THSD4: variants seen among roughly 807,000 people sequenced by gnomAD.
THSD4 encodes the protein thrombospondin type 1 domain containing 4, also known as thrombospondin type-1 domain-containing protein 4.
A neutral mutation model predicts 119.0 loss-of-function variants in THSD4; 69 were observed. The observed-to-expected ratio is 0.58, with a 90% CI of 0.48 to 0.71. THSD4 has a LOEUF of 0.71. THSD4 is among the 30% of genes least tolerant of loss of function. The pLI is 0.00. For synonymous variants in THSD4, 524 were observed against 540.4 expected, an observed-to-expected ratio of 0.97 and a Z score of 0.42; for missense variants, 1,393 against 1,391.1, an observed-to-expected ratio of 1.00 and a Z score of -0.02.
chr15:71,465,898 T>G (rs2047492490), intron 7 of THSD4, among the ~76,000 whole-genome samples: 1 of 152,176 alleles, frequency 6.6e-6, no homozygotes, highest in Admixed American at 6.5e-5. Flanking sequence ...TCCTGAAGTT[T>G]CCTGTGGCAG....
chr15:71,737,980 A>G lies in THSD4; in HGVS notation c.1879A>G (p.Thr627Ala), dbSNP rs2053153915. 5.0e-6 allele frequency: 8 copies of G among 1,613,750 alleles called. No individual in the cohort carries two copies. The highest frequency in any genetic ancestry group is 6.8e-6 in the Non-Finnish European group (8 of 1,179,812). The change falls in exon 11 of 18, where the codon ACA becomes GCA. Residue 627 changes from threonine to alanine, a missense_variant. Transcript: ENST00000261862. ...RDHNWKQLGT[T>A]ECSTTCGKGS... ...TCACAACTGGAAGCAGCTTGGGACA[A>G]CAGAATGTTCCACGACCTGTGGGAA...
rs543675356 is a variant in THSD4 at position 71,645,180 on chromosome 15, G to A, written c.1153-15350G>A. Reference sequence around the variant, plus strand: ...AACCCAGAGGAAAGATGGTCTTGGGGTGTATTAGCCTGTTTTCATGCTGCT... The same window carrying A: ...AACCCAGAGGAAAGATGGTCTTGGGATGTATTAGCCTGTTTTCATGCTGCT... On this transcript the variant is annotated intron_variant, in intron 7 of 17. Transcript: ENST00000261862. Among the ~76,000 whole-genome samples the A allele has an allele frequency of 8.5e-5, 13 of 152,216 alleles. No homozygotes were observed. The South Asian group carries it at 1.7e-3, about 19-fold the overall frequency.
At chr15:71,193,267 C>T (rs1211815119) in intron 3 of THSD4, among the ~76,000 whole-genome samples, 1 of 152,208 alleles carries the variant, frequency 6.6e-6, no homozygotes, top group Non-Finnish European at 1.5e-5. Flanking sequence ...TTGCTTCTCA[C>T]TGACTGGCAC....
intron 6 of THSD4, among the ~76,000 whole-genome samples, chr15:71,263,071 C>T (rs577301669): frequency 6.6e-6 from 1 of 151,674 alleles, no homozygotes; most frequent in Non-Finnish European, 1.5e-5. Context: ...CCCAGTTATT[C>T]AGCTTAGTAA....
chr15:71,304,899 A>C (rs1294070173), intron 6 of THSD4, among the ~76,000 whole-genome samples: 1 of 152,242 alleles, frequency 6.6e-6, no homozygotes, highest in East Asian at 1.9e-4. Flanking sequence ...AAATATGCTT[A>C]CTAAATGGAT....
At chr15:71,525,651 C>T (rs538551202) in intron 7 of THSD4, among the ~76,000 whole-genome samples, 1 of 152,252 alleles carries the variant, frequency 6.6e-6, no homozygotes, top group South Asian at 2.1e-4. Context: ...TTGTTATGGT[C>T]CATGGACAGA....
chr15:71,663,569 C>T (rs144534865), intron 8 of THSD4, among the ~76,000 whole-genome samples: 99 of 152,286 alleles, frequency 6.5e-4, no homozygotes, highest in African/African-American at 2.2e-3. Flanking sequence ...ACGTTGGTTA[C>T]GGCCCTTTTC....
chr15:71,440,243 A>G (rs978011499), intron 7 of THSD4, among the ~76,000 whole-genome samples: 43 of 152,166 alleles, frequency 2.8e-4, no homozygotes, highest in African/African-American at 1.0e-3. Flanking sequence ...CATTTCCTCA[A>G]AACTGCTTAA....
intron 7 of THSD4, among the ~76,000 whole-genome samples, chr15:71,426,441 A>G (rs1423859302): frequency 6.6e-6 from 1 of 151,524 alleles, no homozygotes; most frequent in East Asian, 1.9e-4. Flanking sequence ...TCCTTTATAT[A>G]TACACTATTG....
At chr15:71,521,820 C>T (rs1334272217) in intron 7 of THSD4, among the ~76,000 whole-genome samples, 1 of 152,122 alleles carries the variant, frequency 6.6e-6, no homozygotes, top group Non-Finnish European at 1.5e-5. Context: ...TTTACAAATG[C>T]ATATTGAGTG....
intron 6 of THSD4, among the ~76,000 whole-genome samples, chr15:71,397,813 A>T (rs937207367): frequency 3.3e-5 from 5 of 152,338 alleles, no homozygotes; most frequent in African/African-American, 1.2e-4. Context: ...GTAAAATGGG[A>T]TAGTAATAGT....
At chr15:71,563,573 A>G (rs1023351444) in intron 7 of THSD4, among the ~76,000 whole-genome samples, 1 of 152,058 alleles carries the variant, frequency 6.6e-6, no homozygotes, top group African/African-American at 2.4e-5. Context: ...ACACTTAATC[A>G]TTTTACCTTT....
intron 14 of THSD4, among the ~76,000 whole-genome samples, chr15:71,753,716 C>G (rs983036256): frequency 6.6e-6 from 1 of 152,228 alleles, no homozygotes; most frequent in African/African-American, 2.4e-5. Context: ...AGTCCCCACT[C>G]CCTGGTAGGG....
At chr15:71,258,287 T>G (rs2044344286) in intron 6 of THSD4, among the ~76,000 whole-genome samples, 1 of 152,190 alleles carries the variant, frequency 6.6e-6, no homozygotes, top group South Asian at 2.1e-4. Context: ...CAAGCGATTC[T>G]CCTGCCTTAG....
intron 7 of THSD4, among the ~76,000 whole-genome samples, chr15:71,647,794 C>G (rs1406612511): frequency 6.6e-6 from 1 of 152,122 alleles, no homozygotes; most frequent in Non-Finnish European, 1.5e-5. Context: ...GGGGGTAAAT[C>G]AGCACAATAT....
chr15:71,782,254 G>C lies in THSD4; in HGVS notation c.*4880G>C, dbSNP rs533592515. ...TCATTTCAGCAGATAATGATGGAGGGGGGGGGTGTCCATCGTGCTGAGGGT... is the reference window on the plus strand; with the variant it reads ...TCATTTCAGCAGATAATGATGGAGGCGGGGGGTGTCCATCGTGCTGAGGGT... On this transcript the variant is annotated 3_prime_UTR_variant, in exon 18 of 18. Coordinates refer to ENST00000261862, the MANE Select transcript of THSD4 (RefSeq NM_024817.3). 2.6e-5 allele frequency: 4 copies of C among 152,036 alleles called. No individual in the cohort carries two copies. The highest frequency in any genetic ancestry group is 6.6e-5 in the Admixed American group (1 of 15,262). The allele number at this position is 152,036 out of a possible 1,614,324, so 9.4% of individuals were successfully genotyped here.
chr15:71,221,526 T>A (rs1326063479), intron 4 of THSD4, among the ~76,000 whole-genome samples: 1 of 152,210 alleles, frequency 6.6e-6, no homozygotes, highest in African/African-American at 2.4e-5. Context: ...CTCATGTAAA[T>A]TGAATGATAC....
chr15:71,557,873 T>C (rs12050679), intron 7 of THSD4, among the ~76,000 whole-genome samples: 52,658 of 152,044 alleles, frequency 0.35, 10,562 homozygotes, highest in South Asian at 0.48. Flanking sequence ...TATTAACCAT[T>C]CTTTCCAGAA....
intron 7 of THSD4, among the ~76,000 whole-genome samples, chr15:71,632,406 ACT>A (rs745881190): frequency 3.9e-5 from 6 of 151,974 alleles, no homozygotes; most frequent in Non-Finnish European, 7.4e-5. Flanking sequence ...GGGTCATGTA[ACT>A]CTTGATTCAA....
Sources: gnomAD v4.1 joint callset for allele counts (sites outside exome capture counted in the v4.1 genomes callset) on GRCh38, gnomAD v4.1.1 for gene constraint, MANE v1.5 for transcripts, NCBI Gene and HGNC (gene_info 2026-07-23, HGNC 2026-07-21) for gene names.